The following ZNF322 variants were observed in gnomAD, a reference collection of about 807,000 sequenced individuals.
ZNF322 encodes zinc finger protein 322, also known as HLA complex group 12.
Under a neutral mutation model 18.3 loss-of-function variants are expected in ZNF322, and 1 was observed. The observed-to-expected ratio is 0.05, with a 90% CI of 0.02 to 0.26. The LOEUF (loss-of-function observed/expected upper bound fraction) is 0.26. ZNF322 is among the 10% of genes least tolerant of loss of function. The pLI is 1.00. For missense variants in ZNF322, 36 were observed against 403.6 expected, an observed-to-expected ratio of 0.09 and a Z score of 7.80; for synonymous variants, 17 against 130.7, an observed-to-expected ratio of 0.13 and a Z score of 5.93.
In ZNF322 at chr6:26,658,465, A is replaced by G. The variant is rs781801478; in HGVS notation, c.-246+93T>C. ...AGAAAGGGGCATTCTCTTTTTCCAT[A>G]TATCTTCTCCCATACTTTCCTGTCT... is the stretch of plus-strand genomic sequence containing the variant. On this transcript the variant is annotated intron_variant, in intron 2 of 3. Transcript: ENST00000415922. 7.1e-5 allele frequency: 11 copies of G among 154,454 alleles called. 1 individual carries two copies. Among genetic ancestry groups the G allele is most frequent in the South Asian group, 2.1e-4 (1 of 4,816 alleles). The allele number at this position is 154,454 out of a possible 1,614,324, so 9.6% of individuals were successfully genotyped here. A position where few individuals can be genotyped will look rare whatever the true frequency, so the allele number is the denominator to read the frequency against.
At chr6:26,646,410 T>A (rs1554148758) in intron 2 of ZNF322, among the ~76,000 whole-genome samples, 1 of 152,164 alleles carries the variant, frequency 6.6e-6, no homozygotes, top group African/African-American at 2.4e-5. Context: ...GGGCTTTTGA[T>A]CCTGATATCA....
chr6:26,659,045 G>C (rs577012838), intron 1 of ZNF322, among the ~76,000 whole-genome samples: 11 of 152,222 alleles, frequency 7.2e-5, no homozygotes, highest in Non-Finnish European at 1.3e-4. Context: ...ATAATATAAA[G>C]TTATCTGTAA....
intron 2 of ZNF322, among the ~76,000 whole-genome samples, chr6:26,654,014 TA>T (rs1229381019): frequency 6.6e-6 from 1 of 152,126 alleles, no homozygotes; most frequent in Non-Finnish European, 1.5e-5. Flanking sequence ...AATCTAAAGA[TA>T]AAAATAACTC....
Position 26,636,888 on chromosome 6 carries a change from A to G in ZNF322, c.*457T>C, listed in dbSNP as rs1262495332. The stretch of plus-strand genomic sequence containing the variant: ...GAGTTTTGTTAGAAGCTTTTTTCAC[A>G]CTTGCTGGGGCTTCTCCCCAGGGTG... On this transcript the variant is annotated 3_prime_UTR_variant, in exon 4 of 4. Coordinates refer to ENST00000415922, the MANE Select transcript of ZNF322 (RefSeq NM_024639.5). The G allele has an allele frequency of 9.3e-6, 1 of 107,984 alleles. No homozygotes were observed. The highest frequency in any genetic ancestry group is 1.9e-5 in the Non-Finnish European group (1 of 52,712). 6.7% of individuals were successfully genotyped at this position (107,984 alleles called of 1,614,324 possible). A position where few individuals can be genotyped will look rare whatever the true frequency, so the allele number is the denominator to read the frequency against.
At chr6:26,649,665 GTGTGTGTGTGTATA>G (rs1249083308) in intron 2 of ZNF322, among the ~76,000 whole-genome samples, 8 of 44,590 alleles carry the variant, frequency 1.8e-4, no homozygotes, top group East Asian at 1.9e-3. Flanking sequence ...GTGTGTGTGT[GTGTGTGTGTGTATA>G]TATATATATA....
At chr6:26,657,019 C>T (rs1337273023) in intron 2 of ZNF322, among the ~76,000 whole-genome samples, 4 of 152,186 alleles carry the variant, frequency 2.6e-5, no homozygotes, top group African/African-American at 9.6e-5. Flanking sequence ...GAAGCCGAGG[C>T]TGGCGGATCA....
intron 2 of ZNF322, among the ~76,000 whole-genome samples, chr6:26,656,580 G>T (rs944282623): frequency 1.3e-5 from 2 of 151,646 alleles, no homozygotes; most frequent in Non-Finnish European, 2.9e-5. Context: ...AGAAATATTA[G>T]AAGGAAAAGG....
At chr6:26,647,486 T>C (rs1765577053) in intron 2 of ZNF322, among the ~76,000 whole-genome samples, 1 of 151,776 alleles carries the variant, frequency 6.6e-6, no homozygotes, top group South Asian at 2.1e-4. Flanking sequence ...CAAGGAAGAA[T>C]AACCACCGAA....
chr6:26,651,201 GAC>G (rs1220446633), intron 2 of ZNF322, among the ~76,000 whole-genome samples: 6 of 144,720 alleles, frequency 4.1e-5, no homozygotes, highest in East Asian at 2.1e-4. Flanking sequence ...GGCAGAAAAA[GAC>G]AGTCTTTTCA....
rs1436116337 is a variant in ZNF322 at position 26,636,607 on chromosome 6, TA to T, written c.*737del. 5 of 150,900 alleles carry T rather than the reference TA, an allele frequency of 3.3e-5. No homozygotes were observed. The highest frequency in any genetic ancestry group is 1.2e-4 in the African/African-American group (5 of 40,962). The allele number at this position is 150,900 out of a possible 1,614,324, so 9.3% of individuals were successfully genotyped here. A position where few individuals can be genotyped will look rare whatever the true frequency, so the allele number is the denominator to read the frequency against. On this transcript the variant is annotated 3_prime_UTR_variant, in exon 4 of 4. Coordinates refer to ENST00000415922, the MANE Select transcript of ZNF322 (RefSeq NM_024639.5). The stretch of plus-strand genomic sequence containing the variant: ...GCAGAACAGGTTTTTTGGGGCCTGA[TA>T]AGACAGGAGCTTCTACCAAAGGTTT...
chr6:26,646,259 G>T (rs535344423), intron 2 of ZNF322, among the ~76,000 whole-genome samples: 155 of 152,086 alleles, frequency 1.0e-3, no homozygotes, highest in African/African-American at 3.6e-3. Context: ...CCTATTAAAA[G>T]AAAGAGATTT....
At chr6:26,648,701 A>G (rs1465995360) in intron 2 of ZNF322, among the ~76,000 whole-genome samples, 1 of 152,242 alleles carries the variant, frequency 6.6e-6, no homozygotes, top group Non-Finnish European at 1.5e-5. Flanking sequence ...TAACAGCAGC[A>G]ATATAAAACT....
At chr6:26,648,975 A>C (rs1333028373) in intron 2 of ZNF322, among the ~76,000 whole-genome samples, 3 of 142,744 alleles carry the variant, frequency 2.1e-5, no homozygotes, top group Non-Finnish European at 3.0e-5. Context: ...TTTTTTTCAA[A>C]TAAAATTTTA....
chr6:26,653,962 A>G lies in ZNF322; in HGVS notation c.-246+4596T>C, dbSNP rs868921468. Among the ~76,000 whole-genome samples, 490 of 150,108 alleles carry G rather than the reference A, an allele frequency of 3.3e-3. 2 individuals are homozygous for G. The highest frequency in any genetic ancestry group is 6.8e-3 in the Middle Eastern group (2 of 292). Reference sequence around the variant, plus strand: ...ATAAATAACAACTACACAGAAGAGAAAAAAAAATAACTCTAACACAATATT... The same window carrying G: ...ATAAATAACAACTACACAGAAGAGAGAAAAAAATAACTCTAACACAATATT... On this transcript the variant is annotated intron_variant, in intron 2 of 3. Transcript: ENST00000415922.
intron 3 of ZNF322, among the ~76,000 whole-genome samples, chr6:26,640,448 A>T (rs1254002892): frequency 6.6e-6 from 1 of 152,112 alleles, no homozygotes; most frequent in African/African-American, 2.4e-5. Flanking sequence ...TTTATCCTTG[A>T]TATCTCTTCC....
intron 2 of ZNF322, among the ~76,000 whole-genome samples, chr6:26,652,517 C>G (rs552366378): frequency 2.4e-4 from 36 of 152,136 alleles, no homozygotes; most frequent in Admixed American, 7.9e-4. Flanking sequence ...AGTGAAACCC[C>G]TTCTCTACTA....
intron 3 of ZNF322, among the ~76,000 whole-genome samples, chr6:26,640,520 T>G (rs779371725): frequency 9.9e-5 from 15 of 152,192 alleles, no homozygotes; most frequent in African/African-American, 2.9e-4. Context: ...ATTCACATCT[T>G]TGCTCAACAG....
At chr6:26,642,085 A>C (rs1203690019) in intron 3 of ZNF322, among the ~76,000 whole-genome samples, 1 of 152,238 alleles carries the variant, frequency 6.6e-6, no homozygotes, top group Non-Finnish European at 1.5e-5. Flanking sequence ...GAGGTGAGAC[A>C]TGCTGGAGGC....
At chr6:26,642,405 GTC>G (rs1765481855) in intron 3 of ZNF322, among the ~76,000 whole-genome samples, 1 of 152,128 alleles carries the variant, frequency 6.6e-6, no homozygotes, top group African/African-American at 2.4e-5. Context: ...CTCTGTCTTT[GTC>G]TCTCTTTGTC....
Sources: gnomAD v4.1 joint callset for allele counts (sites outside exome capture counted in the v4.1 genomes callset) on GRCh38, gnomAD v4.1.1 for gene constraint, MANE v1.5 for transcripts, NCBI Gene and HGNC (gene_info 2026-07-23, HGNC 2026-07-21) for gene names.